Variants in PLCG2 observed in about 807,000 individuals in gnomAD.
The protein encoded by PLCG2 is phospholipase C gamma 2, also known as 1-phosphatidylinositol 4,5-bisphosphate phosphodiesterase gamma-2.
In PLCG2, 69 loss-of-function variants were observed where a neutral mutation model predicts 175.6. That is an observed-to-expected ratio of 0.39 (90% confidence interval 0.32 to 0.48). PLCG2 has a LOEUF of 0.48. Ranked by LOEUF, PLCG2 falls within the 20% of genes least tolerant of loss-of-function variation. The pLI is 0.91. For synonymous variants in PLCG2, 827 were observed against 624.0 expected (o/e 1.33, Z -4.85); for missense variants, 1,798 against 1,650.9 (o/e 1.09, Z -1.54).
rs1264171915 is a variant in PLCG2, at chr16:81,958,757, C to G, written c.*759C>G. ...TGGCTCTGCCAGCTGCTGGGAGGCT[C>G]TGGCCCCACTAGTCCCTCATGGCCC... On this transcript the variant is annotated 3_prime_UTR_variant, in exon 33 of 33. Transcript: ENST00000564138. 4.5e-6 allele frequency: 1 copy of G among 221,124 alleles called. No homozygotes were observed. Among genetic ancestry groups the G allele is most frequent in the African/African-American group, 2.2e-5 (1 of 44,694 alleles). 13.7% of individuals were successfully genotyped at this position (221,124 alleles called of 1,614,324 possible). A position where few individuals can be genotyped will look rare whatever the true frequency, so the allele number is the denominator to read the frequency against.
At chr16:81,794,351 A>G (rs1567467565) in intron 2 of PLCG2, among the ~76,000 whole-genome samples, 1 of 152,250 alleles carries the variant, frequency 6.6e-6, no homozygotes, top group Non-Finnish European at 1.5e-5. Flanking sequence ...TATTAATAAT[A>G]ATAATAAATG....
rs201652976 is a variant in PLCG2 at position 81,895,841 on chromosome 16, C to T, written c.1107C>T (p.Val369=). The T allele has an allele frequency of 8.7e-4, 1,411 of 1,614,106 alleles. 14 individuals are homozygous for T. The highest frequency in any genetic ancestry group is 6.8e-3 in the South Asian group (617 of 91,076). ...GGGACGGGCCCGATGGGAAGCCGGT[C>T]ATCTACCATGGCTGGACGCGGACTA... is the stretch of plus-strand genomic sequence containing the variant. ...DCWDGPDGKP[V]IYHGWTRTTK... The change falls in exon 13 of 33, where the codon GTC becomes GTT. Residue 369 remains valine, a synonymous_variant. Transcript: ENST00000564138.
intron 5 of PLCG2, among the ~76,000 whole-genome samples, chr16:81,861,505 G>T (rs1906978383): frequency 6.6e-6 from 1 of 152,180 alleles, no homozygotes. Context: ...ATGTTTTTCT[G>T]TCCACCTGCC....
intron 2 of PLCG2, among the ~76,000 whole-genome samples, chr16:81,828,919 G>T (rs1002554014): frequency 1.1e-4 from 16 of 152,202 alleles, no homozygotes; most frequent in African/African-American, 3.6e-4. Flanking sequence ...CTTACCAACT[G>T]CATTCTGATT....
intron 31 of PLCG2, among the ~76,000 whole-genome samples, chr16:81,949,735 T>C (rs1911292156): frequency 6.6e-6 from 1 of 152,188 alleles, no homozygotes; most frequent in South Asian, 2.1e-4. Context: ...TTTGTCATGG[T>C]AAATATCAAA....
At chr16:81,927,563 G>C (rs1183350932) in intron 23 of PLCG2, among the ~76,000 whole-genome samples, 1 of 152,200 alleles carries the variant, frequency 6.6e-6, no homozygotes, top group Non-Finnish European at 1.5e-5. Flanking sequence ...GGCCTAACCA[G>C]AGGTGAGATG....
At chr16:81,848,219 T>C (rs1293363287) in intron 2 of PLCG2, among the ~76,000 whole-genome samples, 1 of 152,178 alleles carries the variant, frequency 6.6e-6, no homozygotes, top group Non-Finnish European at 1.5e-5. Flanking sequence ...CAGAGGCCAC[T>C]CAGTGGAGAA....
chr16:81,833,508 T>C (rs1259543950), intron 2 of PLCG2, among the ~76,000 whole-genome samples: 1 of 151,294 alleles, frequency 6.6e-6, no homozygotes, highest in Admixed American at 6.7e-5. Flanking sequence ...TGTTTTTTTT[T>C]TTTTCAATTT....
intron 1 of PLCG2, among the ~76,000 whole-genome samples, chr16:81,784,433 G>C (rs1023945382): frequency 2.0e-5 from 3 of 152,218 alleles, no homozygotes; most frequent in Non-Finnish European, 2.9e-5. Flanking sequence ...CACAGATTTA[G>C]AGCAGCTTGG....
rs1338018669 is a variant in PLCG2 at position 81,924,428 on chromosome 16, ATAACTGAGTC to A, written c.2417+837_2417+846del. ...TTTGAAATAACTCACTTCATTTGAA[ATAACTGAGTC>A]TACATGATGACTGTAAAAGGTTGGT... On this transcript the variant is annotated intron_variant, in intron 22 of 32. Transcript: ENST00000564138. 3.7e-4 allele frequency among the ~76,000 whole-genome samples: 56 copies of A among 152,378 alleles called. 2 individuals are homozygous for A. Among genetic ancestry groups the A allele is most frequent in the Non-Finnish European group, 1.0e-4 (7 of 68,044 alleles).
chr16:81,786,006 A>G lies in PLCG2; in HGVS notation c.17A>G (p.Asn6Ser), dbSNP rs202002041. 4.5e-5 allele frequency: 73 copies of G among 1,614,010 alleles called. No homozygotes were observed. The highest frequency in any genetic ancestry group is 5.7e-5 in the Non-Finnish European group (67 of 1,179,936). The change falls in exon 2 of 33, where the codon AAT (asparagine) becomes AGT (serine). Residue 6 changes from asparagine to serine, a missense_variant. By Grantham distance (46) the Asn-to-Ser change is conservative (BLOSUM62 1). Coordinates refer to ENST00000564138, the MANE Select transcript of PLCG2 (RefSeq NM_002661.5). ...CGGCCGACAATGTCCACCACGGTCAATGTAGATTCCCTTGCGGAATATGAG... is the reference window on the plus strand; with the variant it reads ...CGGCCGACAATGTCCACCACGGTCAGTGTAGATTCCCTTGCGGAATATGAG... Reference protein sequence around the residue: MSTTVNVDSLAEYEKS... With the variant: MSTTVSVDSLAEYEKS...
Position 81,958,922 on chromosome 16 carries a change from CA to C in PLCG2, c.*925del. 1 of 221,808 alleles carries C rather than the reference CA, an allele frequency of 4.5e-6. No homozygotes were observed. The highest frequency in any genetic ancestry group is 1.4e-3 in the Middle Eastern group (1 of 708). The allele number at this position is 221,808 out of a possible 1,614,324, so 13.7% of individuals were successfully genotyped here. On this transcript the variant is annotated 3_prime_UTR_variant, in exon 33 of 33. Coordinates refer to ENST00000564138, the MANE Select transcript of PLCG2 (RefSeq NM_002661.5). ...CTCTGGGTTACCCAGTCTTCTGGAG[CA>C]GCAAGCTGAGCTTTAATGGGCTAAG... is the stretch of plus-strand genomic sequence containing the variant.
At chr16:81,753,105 G>A (rs561408645) in intron 1 of PLCG2, among the ~76,000 whole-genome samples, 345 of 152,300 alleles carry the variant, frequency 2.3e-3, no homozygotes, top group Non-Finnish European at 3.9e-3. Flanking sequence ...GCTGAGGATG[G>A]CCAGTGGCAG....
intron 7 of PLCG2, among the ~76,000 whole-genome samples, chr16:81,876,441 C>T (rs1164576995): frequency 6.6e-6 from 1 of 152,164 alleles, no homozygotes; most frequent in African/African-American, 2.4e-5. Flanking sequence ...GTGCCTTCAG[C>T]CACGTGGGAA....
chr16:81,863,853 A>G (rs957000565), intron 5 of PLCG2, among the ~76,000 whole-genome samples: 5 of 152,162 alleles, frequency 3.3e-5, no homozygotes, highest in Admixed American at 6.6e-5. Context: ...AGGAGGTGGC[A>G]AAGGGTGAGG....
chr16:81,906,558 G>T (rs1416748592), intron 15 of PLCG2, among the ~76,000 whole-genome samples: 1 of 152,102 alleles, frequency 6.6e-6, no homozygotes, highest in Non-Finnish European at 1.5e-5. Context: ...CAAGTAACTG[G>T]GACCACAGAT....
intron 2 of PLCG2, among the ~76,000 whole-genome samples, chr16:81,844,799 C>T (rs768404825): frequency 1.4e-4 from 21 of 152,218 alleles, no homozygotes; most frequent in Non-Finnish European, 3.1e-4. Flanking sequence ...TACACATGGC[C>T]ATGTATGTGT....
chr16:81,923,567 A>G lies in PLCG2; in HGVS notation c.2390A>G (p.His797Arg). ...AGCTTCTGCCGTGGTGCCCTCATCC[A>G]CAATGTCTCCAAGGAGCCCGGGGGC... ...ELSFCRGALIHNVSKEPGGWW... is the reference protein window; with the variant it reads ...ELSFCRGALIRNVSKEPGGWW... Residue 797 changes from histidine to arginine, a missense_variant, in exon 22 of 33, where the codon CAC (histidine) becomes CGC (arginine). Coordinates refer to ENST00000564138, the MANE Select transcript of PLCG2 (RefSeq NM_002661.5). The G allele has an allele frequency of 1.2e-6, 2 of 1,613,076 alleles. No individual in the cohort carries two copies. Among genetic ancestry groups the G allele is most frequent in the Non-Finnish European group, 1.7e-6 (2 of 1,179,194 alleles).
At chr16:81,863,118 G>T (rs141146998) in intron 5 of PLCG2, among the ~76,000 whole-genome samples, 20 of 152,276 alleles carry the variant, frequency 1.3e-4, no homozygotes, top group African/African-American at 4.8e-4. Flanking sequence ...ATATCATGTT[G>T]TCATGCTCCC....
Sources: gnomAD v4.1 joint callset for allele counts (sites outside exome capture counted in the v4.1 genomes callset) on GRCh38, gnomAD v4.1.1 for gene constraint, MANE v1.5 for transcripts, NCBI Gene and HGNC (gene_info 2026-07-23, HGNC 2026-07-21) for gene names.